The following SPECC1 variants were observed in gnomAD, a reference collection of about 807,000 sequenced individuals.
The protein encoded by SPECC1 is cytospin-B.
A neutral mutation model predicts 104.1 loss-of-function variants in SPECC1; 62 were observed. The observed-to-expected ratio is 0.60, with a 90% CI of 0.49 to 0.74. The LOEUF (loss-of-function observed/expected upper bound fraction) is 0.74. SPECC1 is among the 30% of genes least tolerant of loss of function. The pLI is 0.00. For synonymous variants in SPECC1, 513 were observed against 501.6 expected, an observed-to-expected ratio of 1.02 and a Z score of -0.30; for missense variants, 1,306 against 1,310.5, an observed-to-expected ratio of 1.00 and a Z score of 0.05.
intron 12 of SPECC1, among the ~76,000 whole-genome samples, chr17:20,284,479 A>G (rs1218529986): frequency 6.6e-6 from 1 of 152,254 alleles, no homozygotes; most frequent in Non-Finnish European, 1.5e-5. Flanking sequence ...GAACAGAGGT[A>G]CTAAAACTGG....
intron 3 of SPECC1, among the ~76,000 whole-genome samples, chr17:20,194,037 A>T (rs987166510): frequency 1.3e-5 from 2 of 152,198 alleles, no homozygotes; most frequent in Non-Finnish European, 2.9e-5. Flanking sequence ...CCAGTTTTCC[A>T]TTTTTACGAA....
At chr17:20,033,170 G>A (rs1212952640) in intron 1 of SPECC1, among the ~76,000 whole-genome samples, 1 of 151,950 alleles carries the variant, frequency 6.6e-6, no homozygotes, top group Non-Finnish European at 1.5e-5. Context: ...TGCCATATTG[G>A]CCAGGCTGGT....
At chr17:20,068,554 C>T (rs984494594) in intron 1 of SPECC1, among the ~76,000 whole-genome samples, 2 of 152,158 alleles carry the variant, frequency 1.3e-5, no homozygotes, top group African/African-American at 4.8e-5. Context: ...TTTTGAGGGA[C>T]TCCCCAAACT....
At chr17:20,186,273 T>A (rs1380325470) in intron 3 of SPECC1, among the ~76,000 whole-genome samples, 3 of 152,252 alleles carry the variant, frequency 2.0e-5, no homozygotes, top group Non-Finnish European at 4.4e-5. Context: ...ACAAAAATTA[T>A]GTTTACACTA....
At chr17:20,152,922 C>G (rs2032144330) in intron 3 of SPECC1, among the ~76,000 whole-genome samples, 1 of 152,186 alleles carries the variant, frequency 6.6e-6, no homozygotes, top group South Asian at 2.1e-4. Flanking sequence ...GCCTCAGCCT[C>G]CCAAAGTGCT....
At chr17:20,110,669 T>C in intron 3 of SPECC1, 107 bp downstream of exon 3, 6 of 1,304,418 alleles carry the variant, frequency 4.6e-6, no homozygotes, top group South Asian at 1.7e-5. Flanking sequence ...AAATATTTCT[T>C]GACCACTTAC....
chr17:20,107,966 C>T (rs939554928), intron 2 of SPECC1, among the ~76,000 whole-genome samples: 2 of 152,198 alleles, frequency 1.3e-5, no homozygotes, highest in African/African-American at 4.8e-5. Flanking sequence ...TGAACTACTA[C>T]ACTCCTGCCT....
intron 12 of SPECC1, among the ~76,000 whole-genome samples, chr17:20,278,699 G>GTCTC (rs3072444): frequency 2.0e-5 from 3 of 147,268 alleles, no homozygotes; most frequent in East Asian, 2.0e-4. Context: ...GTGAGACCCT[G>GTCTC]TCTCTCTCTC....
chr17:20,124,938 T>C (rs1479756817), intron 3 of SPECC1, among the ~76,000 whole-genome samples: 2 of 152,198 alleles, frequency 1.3e-5, no homozygotes, highest in East Asian at 3.8e-4. Context: ...CCCAGCACTT[T>C]GGGAGGCCGA....
Position 20,207,456 on chromosome 17 carries a change from A to G in SPECC1, c.1863+1544A>G, listed in dbSNP as rs1013845706. On this transcript the variant is annotated intron_variant, in intron 4 of 14. Transcript: ENST00000395527. Reference sequence around the variant, plus strand: ...TTTTTTTACTTTAAGATTACTCACTACTCTCTGGCAAAATGTTTTATCTCC... The same window carrying G: ...TTTTTTTACTTTAAGATTACTCACTGCTCTCTGGCAAAATGTTTTATCTCC... Among the ~76,000 whole-genome samples the G allele has an allele frequency of 9.9e-5, 15 of 151,880 alleles. 1 individual carries two copies. The highest frequency in any genetic ancestry group is 7.9e-4 in the Admixed American group (12 of 15,264).
chr17:20,108,289 C>T (rs1274570044), intron 2 of SPECC1, among the ~76,000 whole-genome samples: 5 of 150,930 alleles, frequency 3.3e-5, no homozygotes, highest in Non-Finnish European at 5.9e-5. Flanking sequence ...AGGACTTTGC[C>T]TAAATTGCAA....
At chr17:20,214,531 G>A (rs1354429481) in intron 4 of SPECC1, among the ~76,000 whole-genome samples, 1 of 152,026 alleles carries the variant, frequency 6.6e-6, no homozygotes, top group Non-Finnish European at 1.5e-5. Context: ...TTTTTGAGAC[G>A]GAGTCTTGCT....
Position 20,039,662 on chromosome 17 carries a change from C to T in SPECC1, c.-22+30238C>T, listed in dbSNP as rs573517739. 2.0e-5 allele frequency among the ~76,000 whole-genome samples: 3 copies of T among 152,216 alleles called. No individual in the cohort carries two copies. In the South Asian group the frequency reaches 6.2e-4, roughly 32 times the overall value. ...CTCTGCTGCCCGGGTTCAAGCAGTT[C>T]TTGTGTCGCAGCCTCCTGAGTAGTT... On this transcript the variant is annotated intron_variant, in intron 1 of 14. Coordinates refer to ENST00000395527, the MANE Select transcript of SPECC1 (RefSeq NM_001243439.2).
chr17:20,051,564 A>G (rs1359439400), intron 1 of SPECC1, among the ~76,000 whole-genome samples: 2 of 152,200 alleles, frequency 1.3e-5, no homozygotes, highest in African/African-American at 4.8e-5. Context: ...TTAGGTAAAC[A>G]TCTGTTTTAG....
chr17:20,191,131 G>A (rs1485294548), intron 3 of SPECC1, among the ~76,000 whole-genome samples: 2 of 152,160 alleles, frequency 1.3e-5, no homozygotes, highest in African/African-American at 2.4e-5. Context: ...TTATCTGGGT[G>A]TACCACAGTT....
intron 1 of SPECC1, chr17:20,067,244 A>G (rs2046390713): frequency 6.6e-6 from 1 of 152,092 alleles, no homozygotes; most frequent in Non-Finnish European, 1.5e-5. Flanking sequence ...TCCCAGGTTC[A>G]AGTGATCCTC....
At chr17:20,255,156 G>A (rs1376049656) in intron 10 of SPECC1, among the ~76,000 whole-genome samples, 1 of 152,194 alleles carries the variant, frequency 6.6e-6, no homozygotes, top group Non-Finnish European at 1.5e-5. Flanking sequence ...GGGACTCCAA[G>A]TCATGATAGT....
chr17:20,057,339 G>A (rs1042827766), intron 1 of SPECC1, among the ~76,000 whole-genome samples: 1 of 152,114 alleles, frequency 6.6e-6, no homozygotes, highest in South Asian at 2.1e-4. Context: ...TACTCGGGAG[G>A]CTGAGGCAGG....
intron 1 of SPECC1, among the ~76,000 whole-genome samples, chr17:20,020,894 C>T (rs1478867282): frequency 1.3e-5 from 2 of 152,162 alleles, no homozygotes; most frequent in Non-Finnish European, 2.9e-5. Flanking sequence ...GAACTGATTG[C>T]CTGCACAGTT....
Sources: allele counts gnomAD v4.1 joint callset (sites outside exome capture counted in the v4.1 genomes callset), GRCh38; gene constraint gnomAD v4.1.1; transcripts MANE v1.5; gene names NCBI Gene and HGNC (gene_info 2026-07-23, HGNC 2026-07-21).